HPSE2: variants seen among roughly 807,000 people sequenced by gnomAD.
HPSE2 encodes inactive heparanase-2.
Under a neutral mutation model 60.5 loss-of-function variants are expected in HPSE2, and 38 were observed. The observed-to-expected ratio is 0.63, with a 90% CI of 0.48 to 0.82. The LOEUF (loss-of-function observed/expected upper bound fraction) is 0.82, where lower values mean the gene tolerates loss of function less well. HPSE2 is among the 40% of genes least tolerant of loss of function. The pLI, the probability that HPSE2 is intolerant of heterozygous loss-of-function variation, is 0.00. For synonymous variants in HPSE2, 295 were observed against 293.2 expected (o/e 1.01, Z -0.06); for missense variants, 713 against 740.4 (o/e 0.96, Z 0.43).
chr10:98,688,140 C>T lies in HPSE2; in HGVS notation c.1004+5760G>A, dbSNP rs1402839052. 7.2e-5 allele frequency among the ~76,000 whole-genome samples: 11 copies of T among 151,842 alleles called. No individual in the cohort carries two copies. The East Asian group carries it at 1.5e-3, about 21-fold the overall frequency. On this transcript the variant is annotated intron_variant, in intron 6 of 11. Transcript: ENST00000370552. The stretch of plus-strand genomic sequence containing the variant: ...ACTGCTGTAGTAATATAATTTTCAC[C>T]CTTGCTTATCAGTCTTCTCAGAGTA...
chr10:98,917,078 G>A (rs1409091616), intron 3 of HPSE2, among the ~76,000 whole-genome samples: 4 of 152,046 alleles, frequency 2.6e-5, no homozygotes, highest in South Asian at 4.2e-4. Context: ...TGGGTTTTTC[G>A]ATTCTTGCTT....
At chr10:98,623,322 G>T (rs1946122249) in intron 7 of HPSE2, among the ~76,000 whole-genome samples, 1 of 152,086 alleles carries the variant, frequency 6.6e-6, no homozygotes, top group Non-Finnish European at 1.5e-5. Context: ...TGAAGAAGAA[G>T]AGGAAGTTTA....
intron 3 of HPSE2, among the ~76,000 whole-genome samples, chr10:98,881,808 T>A (rs1191109953): frequency 1.3e-5 from 2 of 152,130 alleles, no homozygotes; most frequent in Non-Finnish European, 2.9e-5. Flanking sequence ...CCAAACATTC[T>A]CTTGAGTGCT....
intron 3 of HPSE2, among the ~76,000 whole-genome samples, chr10:98,890,234 T>C (rs915108445): frequency 6.6e-6 from 1 of 152,164 alleles, no homozygotes; most frequent in African/African-American, 2.4e-5. Context: ...GATTTATCTC[T>C]AAGAAATCAT....
intron 3 of HPSE2, among the ~76,000 whole-genome samples, chr10:99,035,096 A>G (rs1957580999): frequency 6.6e-6 from 1 of 152,144 alleles, no homozygotes; most frequent in Non-Finnish European, 1.5e-5. Flanking sequence ...TTGTTAAAGT[A>G]TTTCTCTCTT....
Position 98,722,960 on chromosome 10 carries a change from T to C in HPSE2, c.785-1132A>G, listed in dbSNP as rs1948967087. On this transcript the variant is annotated intron_variant, in intron 4 of 11. Transcript: ENST00000370552. ...TCCTAATTGAATGCCCTTTATTTCCTTCTCCTGCCTGATTGCCCTGGCCAG... is the reference window on the plus strand; with the variant it reads ...TCCTAATTGAATGCCCTTTATTTCCCTCTCCTGCCTGATTGCCCTGGCCAG... 2.0e-5 allele frequency among the ~76,000 whole-genome samples: 3 copies of C among 152,214 alleles called. No individual in the cohort carries two copies. The South Asian group carries it at 6.2e-4, about 32-fold the overall frequency.
chr10:98,642,406 T>A (rs1010416031), intron 6 of HPSE2, among the ~76,000 whole-genome samples: 8 of 152,174 alleles, frequency 5.3e-5, no homozygotes, highest in African/African-American at 1.9e-4. Context: ...AAAGCAAAAA[T>A]CTGACTTAGT....
chr10:98,991,473 A>C (rs1489245402), intron 3 of HPSE2, among the ~76,000 whole-genome samples: 1 of 152,158 alleles, frequency 6.6e-6, no homozygotes, highest in Admixed American at 6.6e-5. Flanking sequence ...AACAAATAAG[A>C]GAGTAGGAGA....
chr10:98,603,439 G>GTTTGT (rs1554951327), intron 9 of HPSE2, among the ~76,000 whole-genome samples: 12 of 144,214 alleles, frequency 8.3e-5, no homozygotes, highest in Middle Eastern at 3.5e-3. Context: ...CTGTTTTTTT[G>GTTTGT]TTTTTTTTTT....
At chr10:99,203,754 C>T (rs1478387901) in intron 2 of HPSE2, among the ~76,000 whole-genome samples, 1 of 152,044 alleles carries the variant, frequency 6.6e-6, no homozygotes, top group Non-Finnish European at 1.5e-5. Context: ...GACCCAGTCT[C>T]CAGGGAAGTT....
At chr10:99,241,136 G>C in the HPSE2 span, among the ~76,000 whole-genome samples, 1 of 152,152 alleles carries the variant, frequency 6.6e-6, no homozygotes. Context: ...AGATTAATAA[G>C]TACCAACACA....
chr10:98,869,669 G>A (rs1952681410), intron 3 of HPSE2, among the ~76,000 whole-genome samples: 1 of 152,120 alleles, frequency 6.6e-6, no homozygotes, highest in Admixed American at 6.6e-5. Context: ...CACAGACTCA[G>A]AAAGTAGTGC....
chr10:99,076,341 C>A (rs1230396494), intron 3 of HPSE2, among the ~76,000 whole-genome samples: 1 of 152,080 alleles, frequency 6.6e-6, no homozygotes, highest in Non-Finnish European at 1.5e-5. Context: ...CCCTTTACAT[C>A]TTTTTATTTT....
chr10:98,459,764 G>T, intron 11 of HPSE2, 25 bp from the exon 12 acceptor site: 1 of 1,601,518 alleles, frequency 6.2e-7, no homozygotes, highest in Non-Finnish European at 8.5e-7. Context: ...AACAGTATGG[G>T]ACTCATTATT....
At chr10:98,803,489 A>G (rs1297997863) in intron 3 of HPSE2, among the ~76,000 whole-genome samples, 20 of 151,396 alleles carry the variant, frequency 1.3e-4, no homozygotes, top group African/African-American at 3.4e-4. Flanking sequence ...ATCTTGAATT[A>G]ATTTTTGTAT....
chr10:99,105,025 A>G (rs1193345836), intron 3 of HPSE2, among the ~76,000 whole-genome samples: 1 of 151,308 alleles, frequency 6.6e-6, no homozygotes, highest in Admixed American at 6.6e-5. Context: ...ACAAACCTGC[A>G]TATTGTGCAC....
the HPSE2 span, among the ~76,000 whole-genome samples, chr10:99,313,337 T>C: frequency 6.6e-6 from 1 of 152,060 alleles, no homozygotes; most frequent in African/African-American, 2.4e-5. Flanking sequence ...CATCACTGCA[T>C]ATGTGGTGGG....
At chr10:99,194,526 T>TA (rs200563458) in intron 2 of HPSE2, among the ~76,000 whole-genome samples, 3,250 of 145,044 alleles carry the variant, frequency 0.022, 114 homozygotes, top group East Asian at 0.16. Context: ...TTAGCCAGAT[T>TA]AAAAAAAAAA....
intron 9 of HPSE2, among the ~76,000 whole-genome samples, chr10:98,493,276 A>G (rs923178515): frequency 6.6e-5 from 10 of 152,292 alleles, no homozygotes; most frequent in Admixed American, 2.6e-4. Context: ...TGTATATGCT[A>G]TTGTTGCTGG....
Sources: allele counts gnomAD v4.1 joint callset (sites outside exome capture counted in the v4.1 genomes callset), GRCh38; gene constraint gnomAD v4.1.1; transcripts MANE v1.5; gene names NCBI Gene and HGNC (gene_info 2026-07-23, HGNC 2026-07-21).